CADM2: variants seen among roughly 807,000 people sequenced by gnomAD.
CADM2 encodes immunoglobulin superfamily member 4D.
CADM2 carries 12 observed loss-of-function variants against 49.8 expected under a neutral mutation model. The observed-to-expected ratio is 0.24, with a 90% CI of 0.15 to 0.39. The LOEUF (loss-of-function observed/expected upper bound fraction) is 0.39, where lower values mean the gene tolerates loss of function less well. CADM2 is among the 10% of genes least tolerant of loss of function. The pLI is 1.00. For synonymous variants in CADM2, 214 were observed against 175.4 expected, an observed-to-expected ratio of 1.22 and a Z score of -1.74; for missense variants, 378 against 492.3, an observed-to-expected ratio of 0.77 and a Z score of 2.20.
At chr3:85,472,725 G>A (rs10865609) in intron 1 of CADM2, among the ~76,000 whole-genome samples, 132,748 of 151,968 alleles carry the variant, frequency 0.87, 58,132 homozygotes, top group East Asian at 0.95. Flanking sequence ...CTCTGCATAC[G>A]TCTTATTTCT....
intron 1 of CADM2, among the ~76,000 whole-genome samples, chr3:85,637,570 C>A (rs1182023440): frequency 7.0e-6 from 1 of 143,314 alleles, no homozygotes; most frequent in Non-Finnish European, 1.5e-5. Context: ...CCACTGCAGT[C>A]CGCAGTCCGG....
intron 1 of CADM2, among the ~76,000 whole-genome samples, chr3:85,336,973 A>G (rs2045100502): frequency 6.1e-5 from 1 of 16,376 alleles, no homozygotes; most frequent in African/African-American, 7.3e-5. Context: ...TATTAAATAT[A>G]TATTTAATAT....
At chr3:85,057,918 AC>A (rs1456680462) in intron 1 of CADM2, among the ~76,000 whole-genome samples, 1 of 152,102 alleles carries the variant, frequency 6.6e-6, no homozygotes, top group Non-Finnish European at 1.5e-5. Context: ...TTCCCCAGAA[AC>A]TTTTGCTTTT....
chr3:85,451,289 G>A lies in CADM2; in HGVS notation c.62-275233G>A, dbSNP rs147100374. On this transcript the variant is annotated intron_variant, in intron 1 of 9. Coordinates refer to ENST00000383699, the MANE Select transcript of CADM2 (RefSeq NM_001167675.2). ...TTTAAGAATTGTTTTTAATTTGGCA[G>A]CATGTAGGGAAATTCAATGGACAAA... Among the ~76,000 whole-genome samples the A allele has an allele frequency of 5.6e-3, 847 of 152,180 alleles. 35 individuals are homozygous for A. The highest frequency in any genetic ancestry group is 0.049 in the Admixed American group (744 of 15,280).
At position 84,993,246 on chromosome 3, in the gene CADM2, G is replaced by A. The variant is rs531463565; in HGVS notation, c.61+33578G>A. On this transcript the variant is annotated intron_variant, in intron 1 of 9. Transcript: ENST00000383699. Reference sequence around the variant, plus strand: ...AACGAAAAGAAGTGTGTTAGCAAAAGGAGGATAGGAGTGTGCATAGCTACT... The same window carrying A: ...AACGAAAAGAAGTGTGTTAGCAAAAAGAGGATAGGAGTGTGCATAGCTACT... Among the ~76,000 whole-genome samples, 8 of 152,244 alleles carry A rather than the reference G, an allele frequency of 5.3e-5. No individual in the cohort carries two copies. In the East Asian group the frequency reaches 1.5e-3, roughly 29 times the overall value.
chr3:85,457,182 G>C (rs2038030017), intron 1 of CADM2, among the ~76,000 whole-genome samples: 1 of 152,144 alleles, frequency 6.6e-6, no homozygotes, highest in Non-Finnish European at 1.5e-5. Context: ...GGAGGCTGAG[G>C]CAGGTGGATC....
chr3:85,099,466 T>TA (rs908617548), intron 1 of CADM2, among the ~76,000 whole-genome samples: 5 of 108,802 alleles, frequency 4.6e-5, no homozygotes, highest in East Asian at 2.2e-4. Context: ...TAACATGAAT[T>TA]AAATTTTTTT....
intron 1 of CADM2, among the ~76,000 whole-genome samples, chr3:85,118,177 T>C (rs2038712841): frequency 6.6e-6 from 1 of 152,088 alleles, no homozygotes; most frequent in South Asian, 2.1e-4. Flanking sequence ...CTTATTCATC[T>C]GTTAATTCTC....
At chr3:85,336,197 C>A (rs2045074374) in intron 1 of CADM2, among the ~76,000 whole-genome samples, 1 of 151,494 alleles carries the variant, frequency 6.6e-6, no homozygotes, top group African/African-American at 2.4e-5. Context: ...AGAATCTCCT[C>A]ATTGCCAAGT....
intron 1 of CADM2, among the ~76,000 whole-genome samples, chr3:85,561,371 G>A (rs755668702): frequency 6.6e-6 from 1 of 152,128 alleles, no homozygotes; most frequent in African/African-American, 2.4e-5. Flanking sequence ...AGATGTGGCA[G>A]AATGTTTGAT....
chr3:84,985,855 C>G (rs773214044), intron 1 of CADM2, among the ~76,000 whole-genome samples: 17 of 152,176 alleles, frequency 1.1e-4, no homozygotes, highest in Non-Finnish European at 2.2e-4. Context: ...AGATTCTAAT[C>G]TAACCAAAGA....
intron 1 of CADM2, among the ~76,000 whole-genome samples, chr3:85,692,420 A>G (rs1291327179): frequency 6.6e-6 from 1 of 152,208 alleles, no homozygotes; most frequent in Admixed American, 6.5e-5. Flanking sequence ...TAATAATAAA[A>G]GAAGTTGTTT....
chr3:85,074,919 C>CA (rs772502500), intron 1 of CADM2, among the ~76,000 whole-genome samples: 3,573 of 139,440 alleles, frequency 0.026, 52 homozygotes, highest in African/African-American at 0.046. Flanking sequence ...GTATTCCTCT[C>CA]AAAAAAAAAA....
chr3:85,094,095 G>C (rs1489986221), intron 1 of CADM2, among the ~76,000 whole-genome samples: 2 of 151,996 alleles, frequency 1.3e-5, no homozygotes, highest in African/African-American at 4.8e-5. Flanking sequence ...TTAAAGTAGA[G>C]TCCTACATTT....
At chr3:85,163,615 C>A (rs1224122612) in intron 1 of CADM2, among the ~76,000 whole-genome samples, 1 of 151,992 alleles carries the variant, frequency 6.6e-6, no homozygotes, top group Non-Finnish European at 1.5e-5. Context: ...CATCCACATA[C>A]CCTCATCTCA....
chr3:85,900,376 A>G lies in CADM2; in HGVS notation c.530-11997A>G, dbSNP rs115407232. Among the ~76,000 whole-genome samples, 323 of 152,248 alleles carry G rather than the reference A, an allele frequency of 2.1e-3. 3 individuals are homozygous for G. The highest frequency in any genetic ancestry group is 7.6e-3 in the African/African-American group (315 of 41,554). Reference sequence around the variant, plus strand: ...ATGAGAGGGAAACACATCCATACCTATTTTGACAGGCTATTTTAAATTAAA... The same window carrying G: ...ATGAGAGGGAAACACATCCATACCTGTTTTGACAGGCTATTTTAAATTAAA... On this transcript the variant is annotated intron_variant, in intron 5 of 9. Coordinates refer to ENST00000383699, the MANE Select transcript of CADM2 (RefSeq NM_001167675.2).
chr3:85,315,066 T>C (rs1008532144), intron 1 of CADM2, among the ~76,000 whole-genome samples: 1 of 152,162 alleles, frequency 6.6e-6, no homozygotes, highest in African/African-American at 2.4e-5. Context: ...TTTACTTGTG[T>C]CTTCTAGTTT....
At chr3:85,078,837 A>C (rs1355324665) in intron 1 of CADM2, among the ~76,000 whole-genome samples, 1 of 151,778 alleles carries the variant, frequency 6.6e-6, no homozygotes, top group Non-Finnish European at 1.5e-5. Context: ...AATTTCTTTC[A>C]TGTCACTCTT....
Position 85,089,480 on chromosome 3 carries a change from G to A in CADM2, c.61+129812G>A, listed in dbSNP as rs541660564. 1.8e-4 allele frequency among the ~76,000 whole-genome samples: 27 copies of A among 152,154 alleles called. 1 individual carries two copies. In the South Asian group the frequency reaches 4.8e-3, roughly 27 times the overall value. On this transcript the variant is annotated intron_variant, in intron 1 of 9. Coordinates refer to ENST00000383699, the MANE Select transcript of CADM2 (RefSeq NM_001167675.2). ...CTGTTTTCCACCAGATTGTGTCCAA[G>A]TTTAGCAGTTTAGTCCAAAATCTCA...
Sources: allele counts gnomAD v4.1 joint callset (sites outside exome capture counted in the v4.1 genomes callset), GRCh38; gene constraint gnomAD v4.1.1; transcripts MANE v1.5; gene names NCBI Gene and HGNC (gene_info 2026-07-23, HGNC 2026-07-21).